The following MAP3K1 variants were observed in gnomAD, a reference collection of about 807,000 sequenced individuals.
MAP3K1 encodes the protein mitogen-activated protein kinase kinase kinase 1.
MAP3K1 carries 36 observed loss-of-function variants against 144.2 expected under a neutral mutation model. The ratio of observed to expected loss-of-function variants is 0.25; its 90% confidence interval spans 0.19 to 0.33. The LOEUF (loss-of-function observed/expected upper bound fraction) is 0.33, where lower values mean the gene tolerates loss of function less well. Among genes scored for constraint, MAP3K1 ranks in the 10% least tolerant of loss-of-function variants. The pLI is 1.00. For missense variants in MAP3K1, 1,650 were observed against 1,881.9 expected (o/e 0.88, Z 2.28); for synonymous variants, 718 against 688.7 (o/e 1.04, Z -0.67).
At chr5:56,882,899 T>C in intron 14 of MAP3K1, 33 bp downstream of exon 14, 1 of 1,542,792 alleles carries the variant, frequency 6.5e-7, no homozygotes. Flanking sequence ...GTTAGAAAAC[T>C]TCCTTGGGGC....
At chr5:56,820,289 G>T in intron 1 of MAP3K1, 1 of 267,452 alleles carries the variant, frequency 3.7e-6, no homozygotes, top group African/African-American at 2.3e-5. Context: ...AAGACAGCTA[G>T]GATTCAATCC....
chr5:56,838,377 G>T (rs868695371), intron 1 of MAP3K1, among the ~76,000 whole-genome samples: 1 of 152,100 alleles, frequency 6.6e-6, no homozygotes, highest in African/African-American at 2.4e-5. Flanking sequence ...GTCAAAACCT[G>T]CCAGTTTAAA....
intron 1 of MAP3K1, among the ~76,000 whole-genome samples, chr5:56,837,044 C>T (rs899126198): frequency 6.6e-6 from 1 of 151,828 alleles, no homozygotes; most frequent in Non-Finnish European, 1.5e-5. Flanking sequence ...CCAGCAGTAT[C>T]CCCCCACCTT....
intron 3 of MAP3K1, among the ~76,000 whole-genome samples, chr5:56,863,323 A>G (rs1016199389): frequency 2.6e-5 from 4 of 152,272 alleles, no homozygotes; most frequent in African/African-American, 9.6e-5. Flanking sequence ...GTCTCTCCCA[A>G]CCCTAGGCAA....
intron 1 of MAP3K1, among the ~76,000 whole-genome samples, chr5:56,833,353 C>T (rs1746554172): frequency 1.3e-5 from 2 of 152,168 alleles, no homozygotes. Context: ...TTGGTGTGCA[C>T]ATACATTAAA....
chr5:56,888,469 T>A, intron 19 of MAP3K1, 112 bp downstream of exon 19: 1 of 903,662 alleles, frequency 1.1e-6, no homozygotes. Flanking sequence ...GGTAAATAAA[T>A]AGTCTGTATA....
intron 10 of MAP3K1, among the ~76,000 whole-genome samples, chr5:56,875,522 T>C (rs931651530): frequency 5.3e-5 from 8 of 152,184 alleles, no homozygotes; most frequent in Non-Finnish European, 8.8e-5. Context: ...CTTATATAAC[T>C]GTTTTACTTT....
intron 15 of MAP3K1, 132 bp downstream of exon 15, chr5:56,883,811 G>A: frequency 1.0e-6 from 1 of 988,472 alleles, no homozygotes; most frequent in South Asian, 1.3e-5. Flanking sequence ...TAGTTTCAAA[G>A]TAGATGTTTC....
At chr5:56,889,572 G>T (rs1302120381) in intron 19 of MAP3K1, among the ~76,000 whole-genome samples, 1 of 152,072 alleles carries the variant, frequency 6.6e-6, no homozygotes, top group Non-Finnish European at 1.5e-5. Flanking sequence ...TTCCACCATA[G>T]AATAAGTAAT....
intron 1 of MAP3K1, among the ~76,000 whole-genome samples, chr5:56,844,950 T>A (rs1227864600): frequency 6.6e-6 from 1 of 152,154 alleles, no homozygotes; most frequent in Non-Finnish European, 1.5e-5. Context: ...AAGGAAATAG[T>A]ATAGTACTAG....
intron 9 of MAP3K1, 83 bp downstream of exon 9, chr5:56,873,088 T>A: frequency 7.4e-7 from 1 of 1,353,612 alleles, no homozygotes; most frequent in Non-Finnish European, 1.0e-6. Context: ...CAGTTGTTCA[T>A]AATTTAAAAA....
At chr5:56,870,255 C>T (rs1747812117) in intron 6 of MAP3K1, among the ~76,000 whole-genome samples, 1 of 152,156 alleles carries the variant, frequency 6.6e-6, no homozygotes, top group Non-Finnish European at 1.5e-5. Flanking sequence ...AAGTTTATGG[C>T]ATATTCTTCT....
intron 2 of MAP3K1, among the ~76,000 whole-genome samples, chr5:56,859,055 A>C (rs1241480729): frequency 7.4e-6 from 1 of 135,156 alleles, no homozygotes; most frequent in Admixed American, 7.6e-5. Context: ...TTAGGTCTGA[A>C]AGCCTTAATT....
chr5:56,862,885 A>G (rs1257661412), intron 3 of MAP3K1, among the ~76,000 whole-genome samples: 2 of 152,190 alleles, frequency 1.3e-5, no homozygotes, highest in South Asian at 2.1e-4. Flanking sequence ...GTTTTATAGT[A>G]TATTCACAGG....
intron 6 of MAP3K1, 122 bp from the exon 7 acceptor site, chr5:56,871,788 A>G (rs746846818): frequency 6.6e-5 from 54 of 820,490 alleles, no homozygotes; most frequent in Non-Finnish European, 1.1e-4. Context: ...TCTTAGTTAT[A>G]TAAGATGCTC....
Position 56,893,545 on chromosome 5 carries a change from T to G in MAP3K1, c.4404T>G (p.Thr1468=), listed in dbSNP as rs55707630. 11 of 1,613,824 alleles carry G rather than the reference T, an allele frequency of 6.8e-6. No individual in the cohort carries two copies. Among genetic ancestry groups the G allele is most frequent in the Non-Finnish European group, 9.3e-6 (11 of 1,179,836 alleles). Residue 1468 remains threonine (T), a synonymous_variant, in exon 20 of 20, where the codon ACT becomes ACG. Coordinates refer to ENST00000399503, the MANE Select transcript of MAP3K1 (RefSeq NM_005921.2). ...LALIFKIASA[T]TAPSIPSHLS... ...TTTCTCCACAGATTGCTAGTGCAACTACTGCTCCATCGATCCCTTCACATT... is the reference window on the plus strand; with the variant it reads ...TTTCTCCACAGATTGCTAGTGCAACGACTGCTCCATCGATCCCTTCACATT...
At position 56,861,590 on chromosome 5, in the gene MAP3K1, A is replaced by AGGC. The variant is rs1554033755; in HGVS notation, c.834+1677_834+1678insCGG. On this transcript the variant is annotated intron_variant, in intron 3 of 19. Transcript: ENST00000399503. ...TCCTAAAAAAAAAAAAAAAAAAAAA[A>AGGC]GGGGCTATTAAAATACTCCTTCCTT... Among the ~76,000 whole-genome samples the AGGC allele has an allele frequency of 5.9e-5, 8 of 134,586 alleles. No individual in the cohort carries two copies. In the South Asian group the frequency reaches 6.7e-4, roughly 11 times the overall value. The allele number at this position is 134,586 out of a possible 152,430, so 88.3% of individuals were successfully genotyped here.
chr5:56,838,863 A>G (rs2111807209), intron 1 of MAP3K1, among the ~76,000 whole-genome samples: 1 of 152,292 alleles, frequency 6.6e-6, no homozygotes, highest in South Asian at 2.1e-4. Flanking sequence ...AAACCTTACC[A>G]TCATGTTAAT....
chr5:56,856,632 G>C lies in MAP3K1; in HGVS notation c.515G>C (p.Gly172Ala), dbSNP rs368874835. The change falls in exon 2 of 20, where the codon GGG becomes GCG. Residue 172 changes from glycine to alanine, a missense_variant. This residue lies in a region of MAP3K1 where 360 missense variants were observed against 274.7 expected (regional missense o/e 1.31). Transcript: ENST00000399503. ...ATGGAGAATAAAGAAACTCTCAAAG[G>C]GTTGCACAAGATGGATGATCGTCCA... ...REMENKETLK[G>A]LHKMDDRPEE... 3.1e-6 allele frequency: 5 copies of C among 1,613,734 alleles called. No individual in the cohort carries two copies. In the African/African-American group the frequency reaches 5.3e-5, roughly 17 times the overall value.
Sources: gnomAD v4.1 joint callset for allele counts (sites outside exome capture counted in the v4.1 genomes callset) on GRCh38, gnomAD v4.1.1 for gene constraint, gnomAD v4.1.1 regional missense constraint, MANE v1.5 for transcripts, NCBI Gene and HGNC (gene_info 2026-07-23, HGNC 2026-07-21) for gene names.